MLLT3: variants seen among roughly 807,000 people sequenced by gnomAD.
MLLT3 encodes the protein protein AF-9.
Under a neutral mutation model 53.2 loss-of-function variants are expected in MLLT3, and 4 were observed. The ratio of observed to expected loss-of-function variants is 0.08; its 90% confidence interval spans 0.04 to 0.17. The LOEUF (loss-of-function observed/expected upper bound fraction) is 0.17. MLLT3 is among the 10% of genes least tolerant of loss of function. The pLI is 1.00. For synonymous variants in MLLT3, 283 were observed against 230.6 expected, an observed-to-expected ratio of 1.23 and a Z score of -2.06; for missense variants, 569 against 684.0, an observed-to-expected ratio of 0.83 and a Z score of 1.87.
chr9:20,513,188 G>A (rs921283077), intron 2 of MLLT3, among the ~76,000 whole-genome samples: 3 of 152,180 alleles, frequency 2.0e-5, no homozygotes, highest in East Asian at 1.9e-4. Flanking sequence ...TGTCTGACCT[G>A]TGACCAGGTG....
At chr9:20,589,185 C>T (rs926625212) in intron 2 of MLLT3, among the ~76,000 whole-genome samples, 1 of 149,838 alleles carries the variant, frequency 6.7e-6, no homozygotes, top group Non-Finnish European at 1.5e-5. Flanking sequence ...GGAACCAACC[C>T]AAATGTCCAA....
intron 2 of MLLT3, among the ~76,000 whole-genome samples, chr9:20,555,727 G>T (rs147045020): frequency 1.3e-5 from 2 of 152,174 alleles, no homozygotes; most frequent in African/African-American, 4.8e-5. Flanking sequence ...CACTGCCCAC[G>T]ATTATAAAAC....
chr9:20,354,674 CTCA>C, intron 9 of MLLT3, 131 bp downstream of exon 9: 1 of 642,008 alleles, frequency 1.6e-6, no homozygotes, highest in Non-Finnish European at 2.8e-6. Flanking sequence ...GGATGAAATA[CTCA>C]TCATTTGGGC....
chr9:20,570,040 G>C lies in MLLT3; in HGVS notation c.193+50614C>G, dbSNP rs549254727. On this transcript the variant is annotated intron_variant, in intron 2 of 10. Transcript: ENST00000380338. ...TCTATAAATGAAAGATCCTCAAACT[G>C]TGGGGATTTAGCTCAGTAACGCTAT... Among the ~76,000 whole-genome samples the C allele has an allele frequency of 4.6e-5, 7 of 152,240 alleles. 1 individual carries two copies. The highest frequency in any genetic ancestry group is 1.4e-4 in the African/African-American group (6 of 41,552).
At chr9:20,606,975 C>T (rs1463392686) in intron 2 of MLLT3, among the ~76,000 whole-genome samples, 1 of 152,114 alleles carries the variant, frequency 6.6e-6, no homozygotes, top group Non-Finnish European at 1.5e-5. Context: ...TACAAGTCTA[C>T]AAGTAGAGAA....
intron 6 of MLLT3, 44 bp downstream of exon 6, chr9:20,365,624 GT>G (rs1470022256): frequency 6.2e-7 from 1 of 1,609,720 alleles, no homozygotes; most frequent in Admixed American, 1.7e-5. Flanking sequence ...CCATTAAGGT[GT>G]TTTATGAGAA....
At chr9:20,375,316 T>C (rs1308600598) in intron 5 of MLLT3, among the ~76,000 whole-genome samples, 1 of 152,196 alleles carries the variant, frequency 6.6e-6, no homozygotes, top group African/African-American at 2.4e-5. Context: ...CTGCAACTAT[T>C]AACTTTGAAA....
At chr9:20,493,669 A>G (rs1283198942) in intron 2 of MLLT3, among the ~76,000 whole-genome samples, 10 of 152,074 alleles carry the variant, frequency 6.6e-5, no homozygotes, top group Non-Finnish European at 1.5e-4. Context: ...ATATAATGAG[A>G]CATCAAAAAC....
chr9:20,599,438 AC>A (rs1316142174), intron 2 of MLLT3, among the ~76,000 whole-genome samples: 2 of 148,044 alleles, frequency 1.4e-5, no homozygotes, highest in African/African-American at 5.0e-5. Flanking sequence ...ACATTCTGAA[AC>A]AATTAGTAAC....
intron 2 of MLLT3, among the ~76,000 whole-genome samples, chr9:20,471,833 AT>A (rs202241460): frequency 0.053 from 7,635 of 143,064 alleles, 186 homozygotes; most frequent in African/African-American, 0.086. Context: ...GTCACCTACC[AT>A]TTTTTTTTTT....
intron 2 of MLLT3, among the ~76,000 whole-genome samples, chr9:20,591,360 T>C (rs527608903): frequency 9.4e-4 from 143 of 152,272 alleles, no homozygotes; most frequent in South Asian, 4.8e-3. Flanking sequence ...AGGTCTCAGA[T>C]AGTGTGGAGG....
At chr9:20,405,954 G>A (rs1416226383) in intron 5 of MLLT3, among the ~76,000 whole-genome samples, 5 of 151,594 alleles carry the variant, frequency 3.3e-5, no homozygotes, top group African/African-American at 1.2e-4. Flanking sequence ...TCTACTAAAA[G>A]TACAAAAATT....
At chr9:20,612,723 C>T (rs1408130985) in intron 2 of MLLT3, among the ~76,000 whole-genome samples, 1 of 151,608 alleles carries the variant, frequency 6.6e-6, no homozygotes, top group African/African-American at 2.4e-5. Flanking sequence ...CACCAGGAAC[C>T]AGAGAAATGT....
At chr9:20,547,032 CTCT>C (rs1295167230) in intron 2 of MLLT3, among the ~76,000 whole-genome samples, 1 of 152,160 alleles carries the variant, frequency 6.6e-6, no homozygotes, top group Non-Finnish European at 1.5e-5. Context: ...GGCTCTGGGT[CTCT>C]TCTTTGGCCT....
chr9:20,558,790 C>T (rs1157585519), intron 2 of MLLT3, among the ~76,000 whole-genome samples: 4 of 152,194 alleles, frequency 2.6e-5, no homozygotes, highest in African/African-American at 9.7e-5. Context: ...CTTACTTTGC[C>T]CACTATGAGA....
intron 4 of MLLT3, among the ~76,000 whole-genome samples, chr9:20,425,021 T>C (rs1424438256): frequency 1.3e-5 from 2 of 152,182 alleles, no homozygotes; most frequent in Non-Finnish European, 1.5e-5. Flanking sequence ...CTTAACATTT[T>C]ATTACATAGC....
intron 2 of MLLT3, among the ~76,000 whole-genome samples, chr9:20,482,047 T>G (rs1286817576): frequency 6.6e-6 from 1 of 152,172 alleles, no homozygotes; most frequent in Non-Finnish European, 1.5e-5. Flanking sequence ...ACAAGGCACT[T>G]GTTTAGACAT....
chr9:20,413,869 T>C lies in MLLT3; in HGVS notation c.977A>G (p.Gln326Arg), dbSNP rs1471702722. The change falls in exon 5 of 11, where the codon CAG becomes CGG. Residue 326 changes from glutamine (Q) to arginine (R), a missense_variant. Transcript: ENST00000380338. ...CTTGACATGAGATTTATCTTTTATC[T>C]GTTTTTTGTCAGCAGAACAAGTGAG... Reference protein sequence around the residue: ...LILTCSADKKQIKDKSHVKMG... With the variant: ...LILTCSADKKRIKDKSHVKMG... The C allele has an allele frequency of 6.2e-7, 1 of 1,614,156 alleles. No homozygotes were observed. Among genetic ancestry groups the C allele is most frequent in the Non-Finnish European group, 8.5e-7 (1 of 1,180,026 alleles).
intron 5 of MLLT3, among the ~76,000 whole-genome samples, chr9:20,368,223 G>A (rs768338221): frequency 9.8e-5 from 15 of 152,324 alleles, no homozygotes; most frequent in Middle Eastern, 3.4e-3. Flanking sequence ...CCCCAATGGC[G>A]AGTTACACAA....
Sources: allele counts gnomAD v4.1 joint callset (sites outside exome capture counted in the v4.1 genomes callset), GRCh38; gene constraint gnomAD v4.1.1; transcripts MANE v1.5; gene names NCBI Gene and HGNC (gene_info 2026-07-23, HGNC 2026-07-21).